ANKS1B: variants seen among roughly 807,000 people sequenced by gnomAD.
ANKS1B encodes ankyrin repeat and sterile alpha motif domain containing 1B.
In ANKS1B, 36 loss-of-function variants were observed where a neutral mutation model predicts 148.3. The observed-to-expected ratio is 0.24, with a 90% CI of 0.19 to 0.32. ANKS1B has a LOEUF of 0.32. Among genes scored for constraint, ANKS1B ranks in the 10% least tolerant of loss-of-function variants. ANKS1B has a pLI of 1.00. For missense variants in ANKS1B, 1,157 were observed against 1,542.6 expected (o/e 0.75, Z 4.19); for synonymous variants, 542 against 560.8 (o/e 0.97, Z 0.47).
chr12:98,934,678 C>A (rs1360083274), intron 17 of ANKS1B, among the ~76,000 whole-genome samples: 1 of 151,888 alleles, frequency 6.6e-6, no homozygotes, highest in East Asian at 1.9e-4. Context: ...CTGCTTTCAA[C>A]TTCTTAGTTG....
At chr12:99,044,971 A>G (rs1598916218) in intron 17 of ANKS1B, among the ~76,000 whole-genome samples, 1 of 152,320 alleles carries the variant, frequency 6.6e-6, no homozygotes, top group Admixed American at 6.5e-5. Context: ...AGATGAAAGA[A>G]GAGAGGGCAC....
At chr12:99,451,614 T>C (rs551256576) in intron 10 of ANKS1B, among the ~76,000 whole-genome samples, 1 of 152,190 alleles carries the variant, frequency 6.6e-6, no homozygotes, top group South Asian at 2.1e-4. Flanking sequence ...GAATAAAATA[T>C]AATATTCATG....
intron 17 of ANKS1B, among the ~76,000 whole-genome samples, chr12:98,953,668 T>C (rs2099857789): frequency 6.7e-6 from 1 of 150,300 alleles, no homozygotes; most frequent in South Asian, 2.1e-4. Flanking sequence ...TTCCTCTTCC[T>C]TAAATTTCAC....
chr12:99,648,642 G>A lies in ANKS1B; in HGVS notation c.1272+6425C>T, dbSNP rs150228563. ...TTTATCTTCAGCTGTGTCCTCCATC[G>A]GATGCAAGTGAAGACCTTTTTGTTC... On this transcript the variant is annotated intron_variant, in intron 9 of 26. Coordinates refer to ENST00000683438, the MANE Select transcript of ANKS1B (RefSeq NM_001352186.2). 34 of 1,614,140 alleles carry A rather than the reference G, an allele frequency of 2.1e-5. No homozygotes were observed. The East Asian group carries it at 2.7e-4, about 13-fold the overall frequency.
chr12:99,781,513 A>T (rs2064325691), intron 5 of ANKS1B, among the ~76,000 whole-genome samples: 1 of 152,206 alleles, frequency 6.6e-6, no homozygotes, highest in South Asian at 2.1e-4. Flanking sequence ...CACTCCCTTT[A>T]AAAGGTTCCC....
intron 9 of ANKS1B, chr12:99,648,604 A>C: frequency 6.2e-7 from 1 of 1,614,196 alleles, no homozygotes; most frequent in Non-Finnish European, 8.5e-7. Flanking sequence ...GAAGCTTGCC[A>C]CGGGCCGCTC....
intron 9 of ANKS1B, among the ~76,000 whole-genome samples, chr12:99,642,568 C>A (rs982122257): frequency 3.2e-4 from 49 of 152,096 alleles, no homozygotes; most frequent in Non-Finnish European, 4.1e-4. Flanking sequence ...GTAATTCCAG[C>A]ACTTTGGGAG....
intron 10 of ANKS1B, among the ~76,000 whole-genome samples, chr12:99,458,893 C>A (rs1176141384): frequency 6.6e-6 from 1 of 151,826 alleles, no homozygotes; most frequent in Non-Finnish European, 1.5e-5. Context: ...AAAAGAGAAT[C>A]CCCCCTAAAT....
chr12:98,882,779 A>G (rs2099712674), intron 17 of ANKS1B, among the ~76,000 whole-genome samples: 1 of 151,948 alleles, frequency 6.6e-6, no homozygotes, highest in African/African-American at 2.4e-5. Flanking sequence ...ATTCCTTATT[A>G]TTTAGGTAAA....
At chr12:99,830,408 G>A (rs1412115833) in intron 1 of ANKS1B, among the ~76,000 whole-genome samples, 5 of 151,658 alleles carry the variant, frequency 3.3e-5, no homozygotes, top group Non-Finnish European at 7.4e-5. Context: ...AATATTTTAC[G>A]GAAAACTCAA....
intron 1 of ANKS1B, among the ~76,000 whole-genome samples, chr12:99,840,872 T>C (rs749985652): frequency 6.6e-6 from 1 of 152,182 alleles, no homozygotes; most frequent in Non-Finnish European, 1.5e-5. Flanking sequence ...GTTGATGAAT[T>C]TAACGGCATG....
chr12:98,859,178 C>T (rs1401795986), intron 17 of ANKS1B, among the ~76,000 whole-genome samples: 1 of 152,172 alleles, frequency 6.6e-6, no homozygotes, highest in Non-Finnish European at 1.5e-5. Flanking sequence ...GGATTTCTGA[C>T]CCTACAGCTA....
intron 9 of ANKS1B, among the ~76,000 whole-genome samples, chr12:99,513,093 A>G (rs1344812466): frequency 6.6e-6 from 1 of 151,892 alleles, no homozygotes; most frequent in Non-Finnish European, 1.5e-5. Context: ...CCTAAGCTCC[A>G]GCAACCATTA....
chr12:98,924,375 T>TTC (rs575398959), intron 17 of ANKS1B, among the ~76,000 whole-genome samples: 3 of 152,214 alleles, frequency 2.0e-5, no homozygotes, highest in Non-Finnish European at 4.4e-5. Flanking sequence ...TTTAAGAGTC[T>TTC]TCTTTTTTTT....
intron 9 of ANKS1B, among the ~76,000 whole-genome samples, chr12:99,533,965 A>G (rs983409373): frequency 2.2e-4 from 33 of 152,324 alleles, no homozygotes; most frequent in African/African-American, 7.5e-4. Context: ...GGCCTCCCAA[A>G]ACCTTCCAAT....
chr12:99,769,721 GTTA>G (rs896539638), intron 8 of ANKS1B, among the ~76,000 whole-genome samples: 1 of 152,150 alleles, frequency 6.6e-6, no homozygotes, highest in Non-Finnish European at 1.5e-5. Flanking sequence ...TTTTCAAAGG[GTTA>G]TTGTGAGGAT....
chr12:98,807,374 T>C (rs887655142), intron 20 of ANKS1B, among the ~76,000 whole-genome samples: 2 of 152,058 alleles, frequency 1.3e-5, no homozygotes, highest in Non-Finnish European at 2.9e-5. Context: ...GTATACAGAA[T>C]AACATGCAAA....
In ANKS1B at chr12:99,984,169, C is replaced by T; in HGVS notation, c.69G>A (p.Leu23=). 1 of 1,613,952 alleles carries T rather than the reference C, an allele frequency of 6.2e-7. No individual in the cohort carries two copies. Among genetic ancestry groups the T allele is most frequent in the Non-Finnish European group, 8.5e-7 (1 of 1,179,870 alleles). ...TGNVALVEKL[L]SGRKGGILGG... is the part of the protein sequence containing the mutation. Reference sequence around the variant, plus strand: ...CCAGGATCCCTCCTTTCCTGCCAGACAGGAGTTTCTCCACCAGAGCCACAT... The same window carrying T: ...CCAGGATCCCTCCTTTCCTGCCAGATAGGAGTTTCTCCACCAGAGCCACAT... Residue 23 remains leucine, a synonymous_variant, in exon 1 of 27, where the codon CTG becomes CTA. Transcript: ENST00000683438.
chr12:99,610,577 G>C (rs1240423485), intron 9 of ANKS1B, among the ~76,000 whole-genome samples: 1 of 152,036 alleles, frequency 6.6e-6, no homozygotes, highest in Non-Finnish European at 1.5e-5. Flanking sequence ...GCCTGCCTTA[G>C]GGGAAAATGG....
Sources: allele counts gnomAD v4.1 joint callset (sites outside exome capture counted in the v4.1 genomes callset), GRCh38; gene constraint gnomAD v4.1.1; transcripts MANE v1.5; gene names NCBI Gene and HGNC (gene_info 2026-07-23, HGNC 2026-07-21).